The following MLLT10 variants were observed in gnomAD, a reference collection of about 807,000 sequenced individuals.
MLLT10 encodes protein AF-10.
MLLT10 carries 30 observed loss-of-function variants against 129.1 expected under a neutral mutation model. The observed-to-expected ratio is 0.23, with a 90% CI of 0.17 to 0.32. The LOEUF is 0.32. Ranked by LOEUF, MLLT10 falls within the 10% of genes least tolerant of loss-of-function variation. MLLT10 has a pLI of 1.00. For synonymous variants in MLLT10, 490 were observed against 446.4 expected, an observed-to-expected ratio of 1.10 and a Z score of -1.23; for missense variants, 1,119 against 1,268.3, an observed-to-expected ratio of 0.88 and a Z score of 1.79.
intron 11 of MLLT10, among the ~76,000 whole-genome samples, chr10:21,676,156 A>G (rs2052070669): frequency 2.0e-5 from 3 of 151,904 alleles, no homozygotes; most frequent in African/African-American, 7.3e-5. Context: ...GCGGCCGCAC[A>G]CAGTGGCTCA....
intron 15 of MLLT10, 135 bp downstream of exon 15, chr10:21,726,490 C>T (rs531255016): frequency 1.9e-6 from 1 of 529,194 alleles, no homozygotes; most frequent in South Asian, 3.8e-5. Context: ...AAAATATTCA[C>T]AGTTGGAAAA....
At chr10:21,535,295 G>A (rs1588730269) in intron 2 of MLLT10, among the ~76,000 whole-genome samples, 1 of 152,304 alleles carries the variant, frequency 6.6e-6, no homozygotes, top group Non-Finnish European at 1.5e-5. Flanking sequence ...CGCGGCGCCA[G>A]TGTGGGGAGG....
intron 3 of MLLT10, among the ~76,000 whole-genome samples, chr10:21,584,978 C>T (rs1261639701): frequency 3.3e-5 from 5 of 151,420 alleles, no homozygotes; most frequent in East Asian, 1.9e-4. Context: ...AGTGCAGTGG[C>T]GCAATCGTGG....
chr10:21,677,655 C>T (rs192052319), intron 11 of MLLT10, among the ~76,000 whole-genome samples: 11 of 152,204 alleles, frequency 7.2e-5, no homozygotes, highest in Admixed American at 1.3e-4. Context: ...ATTTTTTCCT[C>T]CAAATATTTT....
intron 8 of MLLT10, among the ~76,000 whole-genome samples, chr10:21,642,485 C>T (rs948505384): frequency 5.3e-5 from 8 of 151,922 alleles, no homozygotes; most frequent in Admixed American, 3.9e-4. Context: ...GGTGAAACCC[C>T]GTCTCTACTA....
chr10:21,681,647 AAAT>A (rs1224151951), intron 12 of MLLT10, among the ~76,000 whole-genome samples: 2 of 151,990 alleles, frequency 1.3e-5, no homozygotes, highest in Admixed American at 6.6e-5. Context: ...CTCCTTCTTG[AAAT>A]AATGTGTTTA....
At chr10:21,674,625 T>G (rs1316154430) in intron 11 of MLLT10, among the ~76,000 whole-genome samples, 2 of 152,228 alleles carry the variant, frequency 1.3e-5, no homozygotes, top group Admixed American at 1.3e-4. Flanking sequence ...TTTAAAAATT[T>G]CTTCAAAATG....
intron 14 of MLLT10, among the ~76,000 whole-genome samples, chr10:21,721,925 A>G (rs2057161862): frequency 6.6e-6 from 1 of 152,054 alleles, no homozygotes; most frequent in Admixed American, 6.6e-5. Flanking sequence ...TAAATGTTAG[A>G]TAACATCTTG....
intron 13 of MLLT10, among the ~76,000 whole-genome samples, chr10:21,696,686 T>A (rs1232148408): frequency 6.6e-6 from 1 of 152,188 alleles, no homozygotes; most frequent in Non-Finnish European, 1.5e-5. Flanking sequence ...TTCTTTTTAG[T>A]TTTCTGGTGG....
intron 14 of MLLT10, 143 bp from the exon 15 acceptor site, chr10:21,726,101 G>A (rs147320916): frequency 3.4e-6 from 2 of 590,196 alleles, no homozygotes; most frequent in East Asian, 6.0e-5. Flanking sequence ...AAACAAGTAA[G>A]AACGAAATTT....
intron 8 of MLLT10, chr10:21,625,935 C>G (rs903462123): frequency 6.3e-6 from 5 of 797,054 alleles, no homozygotes; most frequent in Admixed American, 1.7e-5. Flanking sequence ...GGTATTTTAC[C>G]TACAAACACC....
At chr10:21,615,457 C>CAAAAAAAAAAAAA (rs71393914) in intron 7 of MLLT10, among the ~76,000 whole-genome samples, 57 of 75,148 alleles carry the variant, frequency 7.6e-4, no homozygotes, top group South Asian at 9.4e-4. Context: ...GACTCCGTCT[C>CAAAAAAAAAAAAA]AAAAAAAAAA....
At chr10:21,555,653 G>A (rs1438596180) in intron 3 of MLLT10, among the ~76,000 whole-genome samples, 2 of 151,042 alleles carry the variant, frequency 1.3e-5, no homozygotes, top group African/African-American at 2.4e-5. Context: ...GTGATTCTCA[G>A]CCTTGATTCA....
At position 21,534,692 on chromosome 10, in the gene MLLT10, T is replaced by A; in HGVS notation, c.48T>A (p.His16Gln). 6.2e-7 allele frequency: 1 copy of A among 1,612,526 alleles called. No individual in the cohort carries two copies. Among genetic ancestry groups the A allele is most frequent in the Non-Finnish European group, 8.5e-7 (1 of 1,179,102 alleles). The change falls in exon 2 of 23, where the codon CAT becomes CAA. Residue 16 changes from histidine to glutamine, a missense_variant. Coordinates refer to ENST00000307729, the MANE Select transcript of MLLT10 (RefSeq NM_001195626.3). ...RPVSLEDEVSHSMKEMIGGCC... is the reference protein window; with the variant it reads ...RPVSLEDEVSQSMKEMIGGCC... ...TGTCACTGGAGGACGAGGTCTCCCA[T>A]AGTATGAAGGAGATGATTGGAGGCT...
chr10:21,667,827 T>C (rs796500354), intron 9 of MLLT10, among the ~76,000 whole-genome samples: 1 of 152,148 alleles, frequency 6.6e-6, no homozygotes, highest in Admixed American at 6.5e-5. Context: ...TTGGATCTAG[T>C]TTTAAATTTT....
chr10:21,695,527 C>A (rs1410042493), intron 13 of MLLT10, among the ~76,000 whole-genome samples: 1 of 152,132 alleles, frequency 6.6e-6, no homozygotes, highest in East Asian at 1.9e-4. Context: ...GTTCTTTTCT[C>A]ACATTTAAAA....
intron 8 of MLLT10, among the ~76,000 whole-genome samples, chr10:21,619,891 C>T (rs1435751154): frequency 3.3e-5 from 5 of 150,432 alleles, no homozygotes; most frequent in Admixed American, 2.0e-4. Context: ...TCTTTTTCTC[C>T]TTCCCTCCTT....
chr10:21,596,648 A>T (rs34719019), intron 5 of MLLT10, among the ~76,000 whole-genome samples: 31,471 of 151,926 alleles, frequency 0.21, 4,137 homozygotes, highest in Middle Eastern at 0.4. Flanking sequence ...AAAAAAAAAA[A>T]ATATTAAAAT....
chr10:21,579,252 T>G (rs1260860010), intron 3 of MLLT10, among the ~76,000 whole-genome samples: 1 of 152,230 alleles, frequency 6.6e-6, no homozygotes, highest in Non-Finnish European at 1.5e-5. Context: ...CTCTGCCCTC[T>G]GTGTAATGTG....
Sources: allele counts gnomAD v4.1 joint callset (sites outside exome capture counted in the v4.1 genomes callset), GRCh38; gene constraint gnomAD v4.1.1; transcripts MANE v1.5; gene names NCBI Gene and HGNC (gene_info 2026-07-23, HGNC 2026-07-21).